EXOC6B: variants seen among roughly 807,000 people sequenced by gnomAD.
EXOC6B encodes exocyst complex component 6B, also known as SEC15 homolog B.
In EXOC6B, 54 loss-of-function variants were observed where a neutral mutation model predicts 113.5. That is an observed-to-expected ratio of 0.48 (90% CI 0.38 to 0.60). The LOEUF (loss-of-function observed/expected upper bound fraction) is 0.60, where lower values mean the gene tolerates loss of function less well. EXOC6B is among the 20% of genes least tolerant of loss of function. The pLI is 0.00. For synonymous variants in EXOC6B, 357 were observed against 339.0 expected (o/e 1.05, Z -0.58); for missense variants, 797 against 977.5 (o/e 0.82, Z 2.46).
chr2:72,527,875 T>C (rs2105742741), intron 8 of EXOC6B, among the ~76,000 whole-genome samples: 1 of 152,138 alleles, frequency 6.6e-6, no homozygotes, highest in East Asian at 1.9e-4. Flanking sequence ...TTGCATTGTT[T>C]CTTTTGTTTT....
chr2:72,180,016 G>C (rs947314756), intron 21 of EXOC6B, among the ~76,000 whole-genome samples: 2 of 152,114 alleles, frequency 1.3e-5, no homozygotes, highest in African/African-American at 4.8e-5. Flanking sequence ...AAAACTAAGG[G>C]CTTGACTGAC....
At chr2:72,688,098 G>A (rs1394497797) in intron 6 of EXOC6B, among the ~76,000 whole-genome samples, 3 of 152,164 alleles carry the variant, frequency 2.0e-5, no homozygotes, top group Non-Finnish European at 4.4e-5. Flanking sequence ...GTATTAAAGG[G>A]AGGGAATGGG....
intron 6 of EXOC6B, among the ~76,000 whole-genome samples, chr2:72,607,771 T>C (rs1394707233): frequency 6.6e-6 from 1 of 152,154 alleles, no homozygotes. Context: ...TAAAACATAT[T>C]GGGTCAGTTA....
chr2:72,541,322 C>T (rs1433911400), intron 8 of EXOC6B, among the ~76,000 whole-genome samples: 3 of 152,102 alleles, frequency 2.0e-5, no homozygotes, highest in African/African-American at 7.2e-5. Flanking sequence ...ATGTCTTTAT[C>T]AGCAATGTGA....
intron 19 of EXOC6B, among the ~76,000 whole-genome samples, chr2:72,367,114 G>A (rs1690671823): frequency 6.6e-6 from 1 of 152,080 alleles, no homozygotes; most frequent in Non-Finnish European, 1.5e-5. Context: ...TATAGACTAT[G>A]TAGAAGTAAT....
At chr2:72,237,910 T>C (rs1682064551) in intron 20 of EXOC6B, among the ~76,000 whole-genome samples, 1 of 152,158 alleles carries the variant, frequency 6.6e-6, no homozygotes, top group South Asian at 2.1e-4. Context: ...TTTAACAGCT[T>C]AGTTAAAATA....
intron 16 of EXOC6B, among the ~76,000 whole-genome samples, chr2:72,483,738 T>C (rs1175011084): frequency 6.6e-6 from 1 of 152,244 alleles, no homozygotes; most frequent in Admixed American, 6.5e-5. Context: ...CAAGGGCATT[T>C]ACTAATGTAA....
chr2:72,696,378 C>T (rs1677884257), intron 6 of EXOC6B, among the ~76,000 whole-genome samples: 1 of 152,148 alleles, frequency 6.6e-6, no homozygotes, highest in South Asian at 2.1e-4. Context: ...AAGGTTAATA[C>T]CTATCTTCAA....
At chr2:72,620,072 T>G (rs1671652199) in intron 6 of EXOC6B, among the ~76,000 whole-genome samples, 1 of 152,258 alleles carries the variant, frequency 6.6e-6, no homozygotes, top group Non-Finnish European at 1.5e-5. Context: ...CAAGCCAGAC[T>G]GAGGTGCATC....
intron 6 of EXOC6B, among the ~76,000 whole-genome samples, chr2:72,687,522 A>G (rs927008393): frequency 2.6e-5 from 4 of 152,144 alleles, no homozygotes; most frequent in African/African-American, 4.8e-5. Context: ...CAGAAGAAAA[A>G]CCAACAGCAA....
At chr2:72,224,994 G>GTATATATATATATA (rs1553468230) in intron 20 of EXOC6B, among the ~76,000 whole-genome samples, 1 of 137,256 alleles carries the variant, frequency 7.3e-6, no homozygotes, top group African/African-American at 2.6e-5. Flanking sequence ...GTGTGTGTGT[G>GTATATATATATATA]TATATATATA....
chr2:72,560,508 A>G, intron 7 of EXOC6B, among the ~76,000 whole-genome samples: 1 of 151,894 alleles, frequency 6.6e-6, no homozygotes, highest in African/African-American at 2.4e-5. Context: ...ATTTTCCCTT[A>G]TTTCATAAAG....
intron 1 of EXOC6B, among the ~76,000 whole-genome samples, chr2:72,771,161 C>G (rs1216680407): frequency 1.3e-5 from 2 of 152,172 alleles, no homozygotes; most frequent in African/African-American, 4.8e-5. Context: ...ACATTTCATA[C>G]TCATCACAAG....
chr2:72,221,464 C>T (rs948668265), intron 20 of EXOC6B, among the ~76,000 whole-genome samples: 5 of 152,192 alleles, frequency 3.3e-5, no homozygotes, highest in African/African-American at 1.2e-4. Flanking sequence ...CAGTATTTAA[C>T]ACTGCAACCT....
chr2:72,825,807 G>T lies in EXOC6B; in HGVS notation c.104C>A (p.Pro35His). Residue 35 changes from proline to histidine, a missense_variant, in exon 1 of 22, where the codon CCC (proline) becomes CAC (histidine). Transcript: ENST00000272427. This position sits in a 1 kb window ranked among gnomAD's most constrained non-coding sequence, Gnocchi z 4.4. The part of the protein sequence containing the change: ...IESTDTACIG[P>H]TLRSVYDGEE... The stretch of plus-strand genomic sequence containing the variant: ...CCGGCACCCGGGGTACCTGAGCGTG[G>T]GCCCGATGCAGGCCGTGTCAGTGCT... The T allele has an allele frequency of 6.2e-7, 1 of 1,612,710 alleles. No homozygotes were observed. Among genetic ancestry groups the T allele is most frequent in the Non-Finnish European group, 8.5e-7 (1 of 1,179,486 alleles).
chr2:72,743,347 G>GT (rs1466712497), intron 1 of EXOC6B, among the ~76,000 whole-genome samples: 1 of 152,058 alleles, frequency 6.6e-6, no homozygotes, highest in East Asian at 1.9e-4. Flanking sequence ...ACTGCTGCCT[G>GT]TAAGGCCCTA....
At position 72,567,318 on chromosome 2, in the gene EXOC6B, A is replaced by G. The variant is rs183704146; in HGVS notation, c.847-7797T>C. Among the ~76,000 whole-genome samples, 391 of 152,172 alleles carry G rather than the reference A, an allele frequency of 2.6e-3. 1 individual carries two copies. The highest frequency in any genetic ancestry group is 4.6e-3 in the African/African-American group (192 of 41,566). On this transcript the variant is annotated intron_variant, in intron 7 of 21. Transcript: ENST00000272427. Reference sequence around the variant, plus strand: ...GAACTGTGAAGAAATCTTGAACTTAATAACTTTATTGCTTTTAGTGACATT... The same window carrying G: ...GAACTGTGAAGAAATCTTGAACTTAGTAACTTTATTGCTTTTAGTGACATT...
At position 72,641,113 on chromosome 2, in the gene EXOC6B, A is replaced by G. The variant is rs918355290; in HGVS notation, c.670-65445T>C. Among the ~76,000 whole-genome samples, 3 of 152,370 alleles carry G rather than the reference A, an allele frequency of 2.0e-5. No homozygotes were observed. In the East Asian group the frequency reaches 5.8e-4, roughly 29 times the overall value. On this transcript the variant is annotated intron_variant, in intron 6 of 21. Transcript: ENST00000272427. The stretch of plus-strand genomic sequence containing the variant: ...GAAGTCTGTTCCAAGATGGCCGAAT[A>G]GGAGCAGCTCCAGTCTGCAGCTCCG...
At chr2:72,345,238 T>C (rs762463453) in intron 19 of EXOC6B, among the ~76,000 whole-genome samples, 1 of 152,296 alleles carries the variant, frequency 6.6e-6, no homozygotes, top group African/African-American at 2.4e-5. Context: ...TCTGCCAGTG[T>C]AATTATTGCC....
Sources: allele counts gnomAD v4.1 joint callset (sites outside exome capture counted in the v4.1 genomes callset), GRCh38; gene constraint gnomAD v4.1.1; non-coding constraint Gnocchi (gnomAD v3.1); transcripts MANE v1.5; gene names NCBI Gene and HGNC (gene_info 2026-07-23, HGNC 2026-07-21).